GABRB1: variants seen among roughly 807,000 people sequenced by gnomAD.
GABRB1 encodes the protein gamma-aminobutyric acid receptor subunit beta-1.
A neutral mutation model predicts 51.6 loss-of-function variants in GABRB1; 17 were observed. The ratio of observed to expected loss-of-function variants is 0.33; its 90% CI spans 0.23 to 0.49. GABRB1 has a LOEUF of 0.49. Among genes scored for constraint, GABRB1 ranks in the 20% least tolerant of loss-of-function variants. The pLI is 0.99. For synonymous variants in GABRB1, 247 were observed against 218.9 expected, an observed-to-expected ratio of 1.13 and a Z score of -1.14; for missense variants, 410 against 600.6, an observed-to-expected ratio of 0.68 and a Z score of 3.32.
chr4:47,151,620 T>A (rs1178830183), intron 3 of GABRB1, among the ~76,000 whole-genome samples: 1 of 152,006 alleles, frequency 6.6e-6, no homozygotes, highest in Admixed American at 6.6e-5. Flanking sequence ...TCCGATTAGA[T>A]CTTCCATGCA....
At chr4:47,038,346 A>G in intron 3 of GABRB1, among the ~76,000 whole-genome samples, 1 of 152,212 alleles carries the variant, frequency 6.6e-6, no homozygotes, top group East Asian at 1.9e-4. Flanking sequence ...TCACAAAGAC[A>G]GCAACAAGAA....
intron 8 of GABRB1, among the ~76,000 whole-genome samples, chr4:47,409,654 T>A: frequency 6.6e-6 from 1 of 152,220 alleles, no homozygotes; most frequent in Non-Finnish European, 1.5e-5. Context: ...CTGTTCCCAT[T>A]TAGAGCTGTG....
At chr4:47,187,239 C>G (rs1441741397) in intron 4 of GABRB1, among the ~76,000 whole-genome samples, 1 of 151,878 alleles carries the variant, frequency 6.6e-6, no homozygotes, top group African/African-American at 2.4e-5. Flanking sequence ...AAAGATGGGA[C>G]ATGAGTCCAA....
chr4:47,123,361 A>G (rs1234975605), intron 3 of GABRB1, among the ~76,000 whole-genome samples: 2 of 130,862 alleles, frequency 1.5e-5, no homozygotes, highest in Non-Finnish European at 3.1e-5. Context: ...TAGATAATAT[A>G]TTATACTTTA....
intron 5 of GABRB1, among the ~76,000 whole-genome samples, chr4:47,394,302 T>G (rs1728106880): frequency 6.6e-6 from 1 of 152,234 alleles, no homozygotes; most frequent in Admixed American, 6.5e-5. Context: ...AAGGTTCCTA[T>G]TCAGGCTTTG....
intron 4 of GABRB1, among the ~76,000 whole-genome samples, chr4:47,260,095 CT>C (rs1223220801): frequency 2.0e-5 from 3 of 152,108 alleles, no homozygotes; most frequent in Non-Finnish European, 4.4e-5. Flanking sequence ...TTCTTTGTCT[CT>C]TTTGATCTTT....
chr4:47,260,981 C>T (rs910551801), intron 4 of GABRB1, among the ~76,000 whole-genome samples: 1 of 152,166 alleles, frequency 6.6e-6, no homozygotes, highest in Non-Finnish European at 1.5e-5. Context: ...CAGAACAGGC[C>T]TTTGACAAAA....
intron 4 of GABRB1, among the ~76,000 whole-genome samples, chr4:47,208,736 A>T (rs938769608): frequency 6.6e-6 from 1 of 151,990 alleles, no homozygotes; most frequent in Non-Finnish European, 1.5e-5. Flanking sequence ...TAGTCCTAGG[A>T]TTACTTTGGT....
rs1051285731 is a variant in GABRB1, at chr4:47,250,348, A to T, written c.462-69779A>T. On this transcript the variant is annotated intron_variant, in intron 4 of 8. Coordinates refer to ENST00000295454, the MANE Select transcript of GABRB1 (RefSeq NM_000812.4). The stretch of plus-strand genomic sequence containing the variant: ...GTTAATCTGATAGATTTTCCTTTAT[A>T]GGTTACCTGGAGCTTCTGTCTCACA... Among the ~76,000 whole-genome samples, 14 of 152,264 alleles carry T rather than the reference A, an allele frequency of 9.2e-5. 1 individual carries two copies. Among genetic ancestry groups the T allele is most frequent in the Admixed American group, 7.2e-4 (11 of 15,298 alleles).
chr4:47,131,903 T>A (rs777910214), intron 3 of GABRB1, among the ~76,000 whole-genome samples: 1 of 152,186 alleles, frequency 6.6e-6, no homozygotes, highest in Non-Finnish European at 1.5e-5. Flanking sequence ...TTTTTTTTCA[T>A]AGCTCCTAGA....
At chr4:47,240,648 T>TA (rs1560292673) in intron 4 of GABRB1, among the ~76,000 whole-genome samples, 2 of 152,220 alleles carry the variant, frequency 1.3e-5, no homozygotes, top group South Asian at 4.1e-4. Flanking sequence ...TTGCCTTTCC[T>TA]TTCATGGCAT....
intron 4 of GABRB1, among the ~76,000 whole-genome samples, chr4:47,228,465 C>A (rs961304514): frequency 6.6e-6 from 1 of 151,902 alleles, no homozygotes; most frequent in Admixed American, 6.6e-5. Context: ...TTCTGTTTCT[C>A]GTTGGTGAGA....
chr4:47,156,593 C>A (rs1717709765), intron 3 of GABRB1, among the ~76,000 whole-genome samples: 1 of 152,006 alleles, frequency 6.6e-6, no homozygotes, highest in Non-Finnish European at 1.5e-5. Flanking sequence ...TACCTTTATT[C>A]TCCAAAAGAG....
chr4:47,042,403 G>A (rs1423771409), intron 3 of GABRB1, among the ~76,000 whole-genome samples: 9,860 of 50,232 alleles, frequency 0.2, 304 homozygotes, highest in Middle Eastern at 0.27. Flanking sequence ...ACATGTATGT[G>A]TATGTGTACA....
intron 8 of GABRB1, among the ~76,000 whole-genome samples, chr4:47,422,503 A>T (rs557467045): frequency 3.3e-5 from 5 of 152,264 alleles, no homozygotes; most frequent in Admixed American, 1.3e-4. Flanking sequence ...TGATAAATCT[A>T]TGAGCCTTCT....
chr4:47,298,086 T>A (rs1027188294), intron 4 of GABRB1, among the ~76,000 whole-genome samples: 6 of 152,182 alleles, frequency 3.9e-5, no homozygotes, highest in Middle Eastern at 3.2e-3. Flanking sequence ...TGATGGGACG[T>A]ATCTCAAAAT....
intron 8 of GABRB1, among the ~76,000 whole-genome samples, chr4:47,412,515 AT>A (rs1728791465): frequency 6.6e-6 from 1 of 152,142 alleles, no homozygotes; most frequent in Admixed American, 6.6e-5. Context: ...AACCTCTGGT[AT>A]TCTTTTTGAA....
intron 3 of GABRB1, among the ~76,000 whole-genome samples, chr4:47,061,769 C>A (rs1726854795): frequency 6.6e-6 from 1 of 152,140 alleles, no homozygotes; most frequent in South Asian, 2.1e-4. Flanking sequence ...TTTTATCAAC[C>A]TATGATTTCT....
intron 3 of GABRB1, among the ~76,000 whole-genome samples, chr4:47,146,095 A>C (rs1251418942): frequency 6.6e-6 from 1 of 152,064 alleles, no homozygotes; most frequent in Non-Finnish European, 1.5e-5. Flanking sequence ...TTATGTTTGC[A>C]GGTATCACTT....
Sources: gnomAD v4.1 joint callset for allele counts (sites outside exome capture counted in the v4.1 genomes callset) on GRCh38, gnomAD v4.1.1 for gene constraint, MANE v1.5 for transcripts, NCBI Gene and HGNC (gene_info 2026-07-23, HGNC 2026-07-21) for gene names.